The following FBXL7 variants were observed in gnomAD, a reference collection of about 807,000 sequenced individuals.
FBXL7 encodes the protein F-box/LRR-repeat protein 7.
Under a neutral mutation model 38.3 loss-of-function variants are expected in FBXL7, and 12 were observed. The ratio of observed to expected loss-of-function variants is 0.31; its 90% CI spans 0.20 to 0.51. The LOEUF (loss-of-function observed/expected upper bound fraction) is 0.51. Among genes scored for constraint, FBXL7 ranks in the 20% least tolerant of loss-of-function variants. The pLI is 0.98. For missense variants in FBXL7, 567 were observed against 676.4 expected (o/e 0.84, Z 1.79); for synonymous variants, 297 against 300.9 (o/e 0.99, Z 0.13).
chr5:15,580,320 C>T (rs952152599), intron 1 of FBXL7, among the ~76,000 whole-genome samples: 19 of 152,112 alleles, frequency 1.2e-4, no homozygotes, highest in Non-Finnish European at 8.8e-5. Context: ...TTAAGCCCCC[C>T]AGTCTATGGT....
intron 1 of FBXL7, among the ~76,000 whole-genome samples, chr5:15,535,192 T>C (rs1737545538): frequency 1.3e-5 from 2 of 152,174 alleles, no homozygotes. Context: ...TTATAAACTA[T>C]CCAGTCTCAA....
rs141625947 is a variant in FBXL7, at chr5:15,587,602, C to T, written c.38-28381C>T. Among the ~76,000 whole-genome samples the T allele has an allele frequency of 2.5e-3, 379 of 152,170 alleles. 3 individuals carry two copies. The highest frequency in any genetic ancestry group is 8.9e-3 in the African/African-American group (368 of 41,506). On this transcript the variant is annotated intron_variant, in intron 1 of 3. Coordinates refer to ENST00000504595, the MANE Select transcript of FBXL7 (RefSeq NM_012304.5). ...TATGTGTAGTTATCGTTCAAGAGTC[C>T]TGTGAGTTATGTATGAGTCTTGTCC...
At chr5:15,793,617 A>G (rs903770726) in intron 2 of FBXL7, among the ~76,000 whole-genome samples, 1 of 152,230 alleles carries the variant, frequency 6.6e-6, no homozygotes, top group South Asian at 2.1e-4. Flanking sequence ...CACTGTGGGT[A>G]GGAACACAAA....
intron 1 of FBXL7, chr5:15,501,373 C>T (rs1736481010): frequency 2.1e-6 from 2 of 964,944 alleles, no homozygotes; most frequent in Non-Finnish European, 2.5e-6. Context: ...TCCACCTACT[C>T]CTAAAAGGAT....
At chr5:15,705,752 TG>T (rs1040964031) in intron 2 of FBXL7, among the ~76,000 whole-genome samples, 3 of 152,124 alleles carry the variant, frequency 2.0e-5, no homozygotes, top group Admixed American at 6.6e-5. Context: ...ATATATTGGG[TG>T]GTGGGAAGTC....
At chr5:15,676,212 G>A (rs1434936250) in intron 2 of FBXL7, among the ~76,000 whole-genome samples, 1 of 151,994 alleles carries the variant, frequency 6.6e-6, no homozygotes, top group Non-Finnish European at 1.5e-5. Flanking sequence ...TTATCCGGGG[G>A]GCCCTTTTCA....
intron 2 of FBXL7, among the ~76,000 whole-genome samples, chr5:15,722,930 C>CAAAAAAAACAAAA (rs377502407): frequency 1.3e-4 from 18 of 142,120 alleles, no homozygotes; most frequent in South Asian, 2.2e-4. Context: ...TCAAAAAAAA[C>CAAAAAAAACAAAA]AAAAAAAAAA....
chr5:15,794,168 T>C (rs557257602), intron 2 of FBXL7, among the ~76,000 whole-genome samples: 1 of 152,338 alleles, frequency 6.6e-6, no homozygotes. Context: ...ACAAATGTTA[T>C]CTCTGTTGGC....
intron 2 of FBXL7, among the ~76,000 whole-genome samples, chr5:15,864,120 A>G (rs1283871124): frequency 6.6e-6 from 1 of 152,076 alleles, no homozygotes; most frequent in African/African-American, 2.4e-5. Context: ...ATAGCAACCC[A>G]AATGGACTAA....
At chr5:15,662,360 C>G (rs1742114625) in intron 2 of FBXL7, among the ~76,000 whole-genome samples, 1 of 152,002 alleles carries the variant, frequency 6.6e-6, no homozygotes, top group South Asian at 2.1e-4. Flanking sequence ...GTTTGTTTTT[C>G]TCCTATAAGT....
intron 2 of FBXL7, among the ~76,000 whole-genome samples, chr5:15,759,780 T>C (rs748902548): frequency 2.6e-5 from 4 of 152,154 alleles, no homozygotes; most frequent in South Asian, 2.1e-4. Context: ...GTGAACAAAA[T>C]AGACAAAGTC....
At chr5:15,685,129 T>C (rs4509020) in intron 2 of FBXL7, among the ~76,000 whole-genome samples, 16,672 of 152,184 alleles carry the variant, frequency 0.11, 1,125 homozygotes, top group South Asian at 0.17. Context: ...GAAGTATCTC[T>C]TTCACAACAG....
chr5:15,719,603 ACAAT>A (rs1239761601), intron 2 of FBXL7, among the ~76,000 whole-genome samples: 1 of 148,960 alleles, frequency 6.7e-6, no homozygotes, highest in African/African-American at 2.4e-5. Context: ...CATACAGAAA[ACAAT>A]CAAATAGATT....
intron 2 of FBXL7, among the ~76,000 whole-genome samples, chr5:15,819,020 C>G (rs1738098275): frequency 6.6e-6 from 1 of 152,016 alleles, no homozygotes; most frequent in Non-Finnish European, 1.5e-5. Context: ...ATGATAACTT[C>G]CAAAAGACAA....
intron 1 of FBXL7, among the ~76,000 whole-genome samples, chr5:15,552,781 A>C (rs935947843): frequency 6.6e-6 from 1 of 152,120 alleles, no homozygotes; most frequent in Non-Finnish European, 1.5e-5. Context: ...AAGTACCATA[A>C]TGATCAAAAC....
At chr5:15,894,436 A>C (rs1371348788) in intron 2 of FBXL7, among the ~76,000 whole-genome samples, 1 of 152,244 alleles carries the variant, frequency 6.6e-6, no homozygotes, top group Non-Finnish European at 1.5e-5. Flanking sequence ...GGCATATTGA[A>C]ATATGAGACT....
chr5:15,668,059 A>G (rs1322457299), intron 2 of FBXL7, among the ~76,000 whole-genome samples: 3 of 152,160 alleles, frequency 2.0e-5, no homozygotes, highest in Non-Finnish European at 2.9e-5. Flanking sequence ...CACCATAACT[A>G]CTACAATTGC....
chr5:15,513,653 C>T (rs2126360393), intron 1 of FBXL7, among the ~76,000 whole-genome samples: 1 of 152,252 alleles, frequency 6.6e-6, no homozygotes, highest in East Asian at 1.9e-4. Flanking sequence ...CCTGGGTGAC[C>T]TTCATTTTGA....
intron 1 of FBXL7, among the ~76,000 whole-genome samples, chr5:15,567,764 A>G (rs1448482994): frequency 6.7e-6 from 1 of 149,876 alleles, no homozygotes; most frequent in Non-Finnish European, 1.5e-5. Context: ...ACCCCACAAC[A>G]GGCCCTGGTG....
Sources: gnomAD v4.1 joint callset for allele counts (sites outside exome capture counted in the v4.1 genomes callset) on GRCh38, gnomAD v4.1.1 for gene constraint, MANE v1.5 for transcripts, NCBI Gene and HGNC (gene_info 2026-07-23, HGNC 2026-07-21) for gene names.